The following HDAC8 variants were observed in gnomAD, a reference collection of about 807,000 sequenced individuals.
HDAC8 encodes the protein histone deacetylase 8.
Under a neutral mutation model 32.2 loss-of-function variants are expected in HDAC8, and 1 was observed. That is an observed-to-expected ratio of 0.03 (90% CI 0.01 to 0.15). The LOEUF (loss-of-function observed/expected upper bound fraction) is 0.15. HDAC8 is among the 10% of genes least tolerant of loss of function. HDAC8 has a pLI of 1.00. For synonymous variants in HDAC8, 108 were observed against 113.9 expected (o/e 0.95, Z 0.33); for missense variants, 117 against 300.0 (o/e 0.39, Z 4.51).
At chrX:72,513,532 T>C (rs1221342554) in intron 4 of HDAC8, among the ~76,000 whole-genome samples, 1 of 110,331 alleles carries the variant, frequency 9.1e-6, no homozygotes, top group African/African-American at 3.3e-5. Flanking sequence ...TCTGCCATGT[T>C]GGCCAGGCTG....
chrX:72,447,798 A>T lies in HDAC8; in HGVS notation c.1005+14206T>A, dbSNP rs192227631. 1.3e-3 allele frequency among the ~76,000 whole-genome samples: 149 copies of T among 111,831 alleles called. 2 individuals are homozygous for T. The highest frequency in any genetic ancestry group is 4.4e-3 in the African/African-American group (135 of 30,822). Reference sequence around the variant, plus strand: ...AAGCATTCCTATACATCAACAACAGACAGAGAGCCAAATCATGAGTGAACT... The same window carrying T: ...AAGCATTCCTATACATCAACAACAGTCAGAGAGCCAAATCATGAGTGAACT... On this transcript the variant is annotated intron_variant, in intron 9 of 10. Coordinates refer to ENST00000373573, the MANE Select transcript of HDAC8 (RefSeq NM_018486.3).
Position 72,429,749 on chromosome X carries a change from T to C in HDAC8, c.1005+32255A>G, listed in dbSNP as rs149634228. Among the ~76,000 whole-genome samples the C allele has an allele frequency of 7.1e-4, 79 of 112,026 alleles. No homozygotes were observed. In the East Asian group the frequency reaches 0.018, roughly 26 times the overall value. On this transcript the variant is annotated intron_variant, in intron 9 of 10. Transcript: ENST00000373573. ...GGAAAATTTCTTCATAGAGTGTGTGTGTGTGGACTGGAGCAAAAGAAGATT... is the reference window on the plus strand; with the variant it reads ...GGAAAATTTCTTCATAGAGTGTGTGCGTGTGGACTGGAGCAAAAGAAGATT...
At chrX:72,334,750 T>A (rs1310955440) in intron 10 of HDAC8, among the ~76,000 whole-genome samples, 1 of 111,880 alleles carries the variant, frequency 8.9e-6, no homozygotes, top group Non-Finnish European at 1.9e-5. Context: ...GATTTCTGGT[T>A]ATCTCTGAAA....
At chrX:72,361,126 C>T (rs1190132149) in intron 9 of HDAC8, among the ~76,000 whole-genome samples, 5 of 111,323 alleles carry the variant, frequency 4.5e-5, no homozygotes, top group African/African-American at 6.5e-5. Context: ...ACCTGGTGTC[C>T]TGTCTAGACT....
At chrX:72,522,694 A>AT (rs1556029513) in intron 4 of HDAC8, among the ~76,000 whole-genome samples, 1 of 112,056 alleles carries the variant, frequency 8.9e-6, no homozygotes, top group Non-Finnish European at 1.9e-5. Context: ...TTGAGGCTTT[A>AT]TTTTTTCAGA....
At chrX:72,418,871 G>A (rs1268492887) in intron 9 of HDAC8, among the ~76,000 whole-genome samples, 8 of 111,300 alleles carry the variant, frequency 7.2e-5, no homozygotes, top group Non-Finnish European at 1.1e-4. Context: ...TGTTGTCCAA[G>A]CACCATTTGT....
intron 7 of HDAC8, among the ~76,000 whole-genome samples, chrX:72,477,349 C>T (rs2048366421): frequency 8.9e-6 from 1 of 112,442 alleles, no homozygotes; most frequent in South Asian, 3.7e-4. Context: ...GCCTATATCT[C>T]TGTTTCTCAT....
chrX:72,339,438 G>A (rs2043830208), intron 10 of HDAC8, among the ~76,000 whole-genome samples: 1 of 112,543 alleles, frequency 8.9e-6, no homozygotes, highest in African/African-American at 3.2e-5. Flanking sequence ...TATGTACAGA[G>A]TGCTGTGGGC....
chrX:72,516,686 T>C (rs938964327), intron 4 of HDAC8, among the ~76,000 whole-genome samples: 13 of 112,152 alleles, frequency 1.2e-4, no homozygotes, highest in Non-Finnish European at 2.1e-4. Flanking sequence ...CACTTATGGT[T>C]CCCATCACAG....
intron 4 of HDAC8, among the ~76,000 whole-genome samples, chrX:72,539,398 ATT>A (rs782147071): frequency 2.1e-5 from 2 of 97,483 alleles, no homozygotes; most frequent in Non-Finnish European, 4.2e-5. Flanking sequence ...TGCCCAGCTA[ATT>A]TTTTTTTTTT....
chrX:72,354,679 T>A (rs1252363362), intron 9 of HDAC8, among the ~76,000 whole-genome samples: 17 of 111,637 alleles, frequency 1.5e-4, no homozygotes, highest in African/African-American at 5.2e-4. Flanking sequence ...TAAAAAAAAT[T>A]TTTTAAATGT....
intron 7 of HDAC8, among the ~76,000 whole-genome samples, chrX:72,469,083 C>T (rs1297580545): frequency 3.6e-5 from 4 of 111,710 alleles, no homozygotes; most frequent in African/African-American, 9.8e-5. Flanking sequence ...TCTCCATCTA[C>T]AATTTTCTAT....
At chrX:72,430,878 G>GAAGT (rs1265245382) in intron 9 of HDAC8, among the ~76,000 whole-genome samples, 1 of 112,051 alleles carries the variant, frequency 8.9e-6, no homozygotes, top group African/African-American at 3.2e-5. Flanking sequence ...AGAGTTCAAA[G>GAAGT]AAGTTACCTA....
chrX:72,443,872 G>T (rs1473460124), intron 9 of HDAC8, among the ~76,000 whole-genome samples: 1 of 109,614 alleles, frequency 9.1e-6, no homozygotes, highest in Non-Finnish European at 1.9e-5. Flanking sequence ...CGATCACACA[G>T]AAATACAAAC....
At chrX:72,473,816 A>G (rs2048253349) in intron 7 of HDAC8, 1 of 753,219 alleles carries the variant, frequency 1.3e-6, no homozygotes, top group Admixed American at 8.7e-5. Flanking sequence ...TGATTCCCTC[A>G]TTCTAAAACC....
chrX:72,550,458 G>A (rs1446843812), intron 4 of HDAC8, among the ~76,000 whole-genome samples: 3 of 110,460 alleles, frequency 2.7e-5, no homozygotes, highest in East Asian at 2.8e-4. Flanking sequence ...TTACTTTAAT[G>A]TTCACAGTCA....
Position 72,572,655 on chromosome X carries a change from T to G in HDAC8, c.107A>C (p.Lys36Thr). 1.0e-6 allele frequency: 1 copy of G among 985,812 alleles called. No homozygotes were observed. The highest frequency in any genetic ancestry group is 2.1e-5 in the South Asian group (1 of 47,913). The allele number at this position is 985,812 out of a possible 1,213,427, so 81.2% of individuals were successfully genotyped here. Residue 36 changes from lysine to threonine, a missense_variant, in exon 1 of 11, where the codon AAA becomes ACA. Physicochemically the swap from Lys to Thr is moderately conservative, Grantham distance 78 (BLOSUM62 -1). Around this residue, in one of 4 missense-constraint regions of HDAC8, gnomAD observed 37 missense variants for 53.1 expected, o/e 0.70. Transcript: ENST00000373573. Reference sequence around the variant, plus strand: ...TTTCATCCCGACTTCCCTTACCCGTTTGGGGATCTTGGCCAGGGAGTCACA... The same window carrying G: ...TTTCATCCCGACTTCCCTTACCCGTGTGGGGATCTTGGCCAGGGAGTCACA... ...SMCDSLAKIP[K>T]RASMVHSLIE...
intron 9 of HDAC8, among the ~76,000 whole-genome samples, chrX:72,438,205 T>C (rs2047010561): frequency 8.9e-6 from 1 of 111,936 alleles, no homozygotes; most frequent in Non-Finnish European, 1.9e-5. Flanking sequence ...GCAAACAGCG[T>C]CTGGAGTGGA....
intron 4 of HDAC8, among the ~76,000 whole-genome samples, chrX:72,536,267 T>C (rs1198402866): frequency 9.0e-6 from 1 of 111,697 alleles, no homozygotes; most frequent in African/African-American, 3.3e-5. Context: ...GAAATCTTTC[T>C]GTTATTTGAC....
Sources: gnomAD v4.1 joint callset for allele counts (sites outside exome capture counted in the v4.1 genomes callset) on GRCh38, gnomAD v4.1.1 for gene constraint, gnomAD v4.1.1 regional missense constraint, MANE v1.5 for transcripts, NCBI Gene and HGNC (gene_info 2026-07-23, HGNC 2026-07-21) for gene names.